BARX2: variants seen among roughly 807,000 people sequenced by gnomAD.
BARX2 encodes the protein homeobox protein BarH-like 2.
Under a neutral mutation model 25.5 loss-of-function variants are expected in BARX2, and 11 were observed. That is an observed-to-expected ratio of 0.43 (90% CI 0.27 to 0.71). The LOEUF (loss-of-function observed/expected upper bound fraction) is 0.71, where lower values mean the gene tolerates loss of function less well. Ranked by LOEUF, BARX2 falls within the 30% of genes least tolerant of loss-of-function variation. The probability of loss-of-function intolerance (pLI) is 0.19; values close to 1 mark genes in which losing one functional copy is unlikely to be tolerated. For missense variants in BARX2, 360 were observed against 359.9 expected (o/e 1.00, Z 0.00); for synonymous variants, 137 against 149.5 (o/e 0.92, Z 0.61).
chr11:129,444,609 T>C (rs908777099), intron 3 of BARX2, among the ~76,000 whole-genome samples: 4 of 152,194 alleles, frequency 2.6e-5, no homozygotes, highest in African/African-American at 4.8e-5. Flanking sequence ...AGGAGGTAGC[T>C]GCCGAGCATG....
intron 1 of BARX2, among the ~76,000 whole-genome samples, chr11:129,398,423 A>G (rs544135673): frequency 2.0e-5 from 3 of 152,288 alleles, no homozygotes; most frequent in Admixed American, 6.5e-5. Flanking sequence ...CTCTTTTTGG[A>G]CAGAGATATC....
intron 1 of BARX2, among the ~76,000 whole-genome samples, chr11:129,407,518 G>C (rs964611052): frequency 6.6e-6 from 1 of 152,138 alleles, no homozygotes; most frequent in East Asian, 1.9e-4. Flanking sequence ...CACTTCTGTT[G>C]AGACTTGCGC....
At position 129,429,373 on chromosome 11, in the gene BARX2, A is replaced by C. The variant is rs938644772; in HGVS notation, c.188-7378A>C. On this transcript the variant is annotated intron_variant, in intron 1 of 3. Coordinates refer to ENST00000281437, the MANE Select transcript of BARX2 (RefSeq NM_003658.5). Reference sequence around the variant, plus strand: ...ACAGGGAGACCCTGCCTCTAAAAAAAAATTAGCAGAGTGTGGTAGCATGTG... The same window carrying C: ...ACAGGGAGACCCTGCCTCTAAAAAACAATTAGCAGAGTGTGGTAGCATGTG... Among the ~76,000 whole-genome samples the C allele has an allele frequency of 3.3e-5, 5 of 152,218 alleles. No individual in the cohort carries two copies. In the South Asian group the frequency reaches 6.2e-4, roughly 19 times the overall value.
At chr11:129,415,321 C>T (rs1041251173) in intron 1 of BARX2, among the ~76,000 whole-genome samples, 1 of 152,164 alleles carries the variant, frequency 6.6e-6, no homozygotes, top group East Asian at 1.9e-4. Flanking sequence ...GCCAGTTCTC[C>T]TCATGGCCCT....
intron 1 of BARX2, among the ~76,000 whole-genome samples, chr11:129,404,762 G>A (rs1426642358): frequency 6.6e-6 from 1 of 152,190 alleles, no homozygotes; most frequent in African/African-American, 2.4e-5. Flanking sequence ...AGGTGCCCTT[G>A]CAAGCTTCCT....
chr11:129,406,043 GT>G (rs957366449), intron 1 of BARX2, among the ~76,000 whole-genome samples: 1 of 152,102 alleles, frequency 6.6e-6, no homozygotes, highest in African/African-American at 2.4e-5. Context: ...GGACAAAGAG[GT>G]TTTTTTCTTA....
chr11:129,408,222 A>G (rs1861852590), intron 1 of BARX2, among the ~76,000 whole-genome samples: 1 of 152,130 alleles, frequency 6.6e-6, no homozygotes, highest in Admixed American at 6.5e-5. Context: ...CCTGAAAGCC[A>G]CTGGAAGATA....
At chr11:129,404,444 G>A (rs1861809079) in intron 1 of BARX2, among the ~76,000 whole-genome samples, 1 of 152,146 alleles carries the variant, frequency 6.6e-6, no homozygotes. Context: ...AAAACACAAG[G>A]GCATCAGTTT....
At chr11:129,399,122 A>G (rs1861751111) in intron 1 of BARX2, among the ~76,000 whole-genome samples, 1 of 152,218 alleles carries the variant, frequency 6.6e-6, no homozygotes, top group Non-Finnish European at 1.5e-5. Flanking sequence ...GTCAGCTCAG[A>G]TTGGCCCAAT....
At chr11:129,389,849 C>A (rs189548138) in intron 1 of BARX2, among the ~76,000 whole-genome samples, 1 of 152,122 alleles carries the variant, frequency 6.6e-6, no homozygotes, top group Admixed American at 6.5e-5. Flanking sequence ...GACAACTAAT[C>A]ACTTTCCTAG....
At position 129,439,178 on chromosome 11, in the gene BARX2, C is replaced by T. The variant is rs763431182; in HGVS notation, c.488+2127C>T. Among the ~76,000 whole-genome samples, 71 of 152,098 alleles carry T rather than the reference C, an allele frequency of 4.7e-4. 1 individual carries two copies. The highest frequency in any genetic ancestry group is 7.1e-4 in the Non-Finnish European group (48 of 68,008). On this transcript the variant is annotated intron_variant, in intron 2 of 3. Transcript: ENST00000281437. ...AATGATGGATGAGAGAGGCCAGAGA[C>T]GGAGCAGGGACCAGTTAGGAGAGAA...
chr11:129,388,858 GT>G (rs1861640760), intron 1 of BARX2, among the ~76,000 whole-genome samples: 1 of 152,188 alleles, frequency 6.6e-6, no homozygotes. Context: ...TACTGTTGGG[GT>G]TTTGAGTCAG....
chr11:129,419,922 A>G (rs914669761), intron 1 of BARX2, among the ~76,000 whole-genome samples: 6 of 151,964 alleles, frequency 3.9e-5, no homozygotes, highest in Admixed American at 3.3e-4. Context: ...CTGAGATTAC[A>G]TGCATTAGCC....
chr11:129,432,340 G>A (rs1397625314), intron 1 of BARX2, among the ~76,000 whole-genome samples: 1 of 152,218 alleles, frequency 6.6e-6, no homozygotes, highest in Non-Finnish European at 1.5e-5. Context: ...AGGATTACAG[G>A]TGTGAGCCAC....
chr11:129,412,807 C>G (rs1198089026), intron 1 of BARX2, among the ~76,000 whole-genome samples: 1 of 152,206 alleles, frequency 6.6e-6, no homozygotes, highest in Admixed American at 6.5e-5. Flanking sequence ...CAGGTCCCAC[C>G]TCTTACCTCA....
intron 1 of BARX2, among the ~76,000 whole-genome samples, chr11:129,380,180 C>T (rs568552919): frequency 1.3e-5 from 2 of 152,114 alleles, no homozygotes; most frequent in South Asian, 2.1e-4. Flanking sequence ...GTTACACACC[C>T]GGGACTAACC....
chr11:129,451,003 T>C, intron 3 of BARX2, 133 bp from the exon 4 acceptor site: 1 of 1,077,374 alleles, frequency 9.3e-7, no homozygotes. Context: ...GGGTTGAGAA[T>C]ATATTTTGCC....
chr11:129,401,442 T>A (rs1861774547), intron 1 of BARX2, among the ~76,000 whole-genome samples: 1 of 152,220 alleles, frequency 6.6e-6, no homozygotes, highest in African/African-American at 2.4e-5. Context: ...CTTTAAATTA[T>A]TTTTTAAAAA....
rs750893952 is a variant in BARX2, at chr11:129,436,931, C to T, written c.368C>T (p.Thr123Met). 3.5e-5 allele frequency: 57 copies of T among 1,613,740 alleles called. No individual in the cohort carries two copies. The highest frequency in any genetic ancestry group is 1.6e-4 in the East Asian group (7 of 44,892). Residue 123 changes from threonine (T) to methionine (M), a missense_variant, in exon 2 of 4, where the codon ACG (threonine) becomes ATG (methionine). Coordinates refer to ENST00000281437, the MANE Select transcript of BARX2 (RefSeq NM_003658.5). The surrounding 1 kb of genome is among the most constrained non-coding windows in gnomAD (Gnocchi z 4.5). ...GEALASSESE[T>M]EQPTPRQKKP... The stretch of plus-strand genomic sequence containing the variant: ...GCCCTAGCCAGCAGCGAGTCAGAGA[C>T]GGAACAGCCCACGCCCCGACAGAAG...
Sources: gnomAD v4.1 joint callset for allele counts (sites outside exome capture counted in the v4.1 genomes callset) on GRCh38, gnomAD v4.1.1 for gene constraint, Gnocchi (gnomAD v3.1) non-coding constraint, MANE v1.5 for transcripts, NCBI Gene and HGNC (gene_info 2026-07-23, HGNC 2026-07-21) for gene names.